The following CNTNAP4 variants were observed in gnomAD, a reference collection of about 807,000 sequenced individuals.
CNTNAP4 encodes the protein contactin associated protein family member 4.
A neutral mutation model predicts 148.4 loss-of-function variants in CNTNAP4; 98 were observed. That is an observed-to-expected ratio of 0.66 (90% CI 0.56 to 0.78). The LOEUF (loss-of-function observed/expected upper bound fraction) is 0.78. CNTNAP4 is among the 30% of genes least tolerant of loss of function. The probability of loss-of-function intolerance (pLI) is 0.00; values close to 1 mark genes in which losing one functional copy is unlikely to be tolerated. For missense variants in CNTNAP4, 1,935 were observed against 1,565.6 expected (o/e 1.24, Z -3.98); for synonymous variants, 730 against 565.1 (o/e 1.29, Z -4.14).
intron 1 of CNTNAP4, among the ~76,000 whole-genome samples, chr16:76,308,036 T>C (rs2144003998): frequency 6.6e-6 from 1 of 152,336 alleles, no homozygotes; most frequent in East Asian, 1.9e-4. Context: ...CTAAATGAAT[T>C]ACTTGACAAT....
At chr16:76,508,258 T>TTAAA (rs10647906) in intron 15 of CNTNAP4, among the ~76,000 whole-genome samples, 62,664 of 94,438 alleles carry the variant, frequency 0.66, 26,677 homozygotes, top group East Asian at 0.88. Context: ...CTATAAGCAA[T>TTAAA]TAAGTAAATA....
At chr16:76,499,068 T>A (rs1312873596) in intron 15 of CNTNAP4, among the ~76,000 whole-genome samples, 2 of 5,764 alleles carry the variant, frequency 3.5e-4, no homozygotes, top group African/African-American at 4.5e-4. Context: ...TACCACAATT[T>A]TTTTTTTTTT....
chr16:76,360,600 G>A (rs746225410), intron 3 of CNTNAP4, among the ~76,000 whole-genome samples: 25 of 152,166 alleles, frequency 1.6e-4, no homozygotes, highest in Non-Finnish European at 1.9e-4. Context: ...CAAACTTAAT[G>A]CACTGCAGTA....
chr16:76,326,802 G>A (rs1281108700), intron 2 of CNTNAP4, among the ~76,000 whole-genome samples: 2 of 151,740 alleles, frequency 1.3e-5, no homozygotes, highest in Non-Finnish European at 2.9e-5. Flanking sequence ...CCTGTTGTGG[G>A]GTGGGGGTGG....
At chr16:76,535,298 A>T (rs984430537) in intron 17 of CNTNAP4, among the ~76,000 whole-genome samples, 2 of 152,218 alleles carry the variant, frequency 1.3e-5, no homozygotes, top group African/African-American at 4.8e-5. Context: ...CCTCTATTTT[A>T]TTCCTCAATT....
chr16:76,419,561 A>T (rs193128560), intron 3 of CNTNAP4, among the ~76,000 whole-genome samples: 1 of 152,016 alleles, frequency 6.6e-6, no homozygotes, highest in East Asian at 1.9e-4. Context: ...ATTATCATAG[A>T]AGTTTTCCTG....
chr16:76,314,314 C>G (rs1961468766), intron 1 of CNTNAP4, among the ~76,000 whole-genome samples: 1 of 152,144 alleles, frequency 6.6e-6, no homozygotes, highest in South Asian at 2.1e-4. Flanking sequence ...CAGAGCGAGT[C>G]CGCAGTGCAA....
chr16:76,511,855 G>GAGAGAC (rs1420355784), intron 15 of CNTNAP4, among the ~76,000 whole-genome samples: 3 of 151,824 alleles, frequency 2.0e-5, no homozygotes, highest in Admixed American at 6.6e-5. Flanking sequence ...GAGAGAGAGA[G>GAGAGAC]AGAGAGACAA....
Position 76,373,010 on chromosome 16 carries a change from A to G in CNTNAP4, c.390+17499A>G, listed in dbSNP as rs74026752. 3.9e-3 allele frequency among the ~76,000 whole-genome samples: 592 copies of G among 152,312 alleles called. 4 individuals carry two copies. The highest frequency in any genetic ancestry group is 0.014 in the African/African-American group (565 of 41,568). On this transcript the variant is annotated intron_variant, in intron 3 of 23. Transcript: ENST00000611870. ...ACTTTTCATGATTACTTCGAATCTGAAATACAATAATCTGATGTGTCTGCT... is the reference window on the plus strand; with the variant it reads ...ACTTTTCATGATTACTTCGAATCTGGAATACAATAATCTGATGTGTCTGCT...
chr16:76,307,834 C>T (rs1960661401), intron 1 of CNTNAP4, among the ~76,000 whole-genome samples: 1 of 152,092 alleles, frequency 6.6e-6, no homozygotes, highest in South Asian at 2.1e-4. Flanking sequence ...ACTGCCTTCC[C>T]ATTAATCCAT....
intron 1 of CNTNAP4, among the ~76,000 whole-genome samples, chr16:76,313,138 AT>A (rs1468172690): frequency 1.3e-4 from 20 of 152,208 alleles, no homozygotes; most frequent in Non-Finnish European, 1.5e-4. Context: ...TTTTGTTTTA[AT>A]TCCACTCTTT....
intron 3 of CNTNAP4, among the ~76,000 whole-genome samples, chr16:76,384,421 G>A (rs147542569): frequency 6.6e-6 from 1 of 152,222 alleles, no homozygotes; most frequent in African/African-American, 2.4e-5. Context: ...GGACCAAGCT[G>A]AATAAAGGAT....
chr16:76,521,479 G>T (rs576841395), intron 16 of CNTNAP4, among the ~76,000 whole-genome samples, 169 bp downstream of exon 16: 2 of 152,156 alleles, frequency 1.3e-5, no homozygotes, highest in African/African-American at 4.8e-5. Flanking sequence ...AAAATAATTT[G>T]ATACTTAACA....
intron 2 of CNTNAP4, among the ~76,000 whole-genome samples, chr16:76,326,896 A>G (rs1431205504): frequency 6.6e-6 from 1 of 152,102 alleles, no homozygotes; most frequent in African/African-American, 2.4e-5. Context: ...ACATGTATAC[A>G]TATGTAACAA....
intron 16 of CNTNAP4, 149 bp from the exon 17 acceptor site, chr16:76,521,890 G>C: frequency 2.8e-6 from 2 of 715,360 alleles, no homozygotes; most frequent in Admixed American, 2.2e-5. Flanking sequence ...TCAGTGTCAT[G>C]AGTTTCAAAC....
chr16:76,363,518 A>G (rs1400491942), intron 3 of CNTNAP4, among the ~76,000 whole-genome samples: 1 of 152,158 alleles, frequency 6.6e-6, no homozygotes, highest in Non-Finnish European at 1.5e-5. Flanking sequence ...ACTTAAATGG[A>G]AAACCTGAAA....
chr16:76,282,111 C>G (rs1958711798), intron 1 of CNTNAP4, among the ~76,000 whole-genome samples: 1 of 151,752 alleles, frequency 6.6e-6, no homozygotes, highest in African/African-American at 2.4e-5. Flanking sequence ...AAAATTTAGT[C>G]TTAATTATTT....
chr16:76,489,771 T>G lies in CNTNAP4; in HGVS notation c.1968T>G (p.Phe656Leu), dbSNP rs1186313761. The change falls in exon 13 of 24, where the codon TTT becomes TTG. Residue 656 changes from phenylalanine (F) to leucine (L), a missense_variant. Transcript: ENST00000611870. ...ATCCAGAGAACCCATATGCTGGGTT[T>G]TTCGAGTATGTGGCCAGCATGGAGC... ...NTNPENPYAGFFEYVASMEQL... is the reference protein window; with the variant it reads ...NTNPENPYAGLFEYVASMEQL... 6.2e-7 allele frequency: 1 copy of G among 1,604,854 alleles called. No individual in the cohort carries two copies. The highest frequency in any genetic ancestry group is 1.3e-5 in the African/African-American group (1 of 74,792).
intron 1 of CNTNAP4, among the ~76,000 whole-genome samples, chr16:76,296,795 T>C (rs1959352233): frequency 6.6e-6 from 1 of 152,210 alleles, no homozygotes. Flanking sequence ...TATTGAATTA[T>C]TGACCATATT....
Sources: allele counts gnomAD v4.1 joint callset (sites outside exome capture counted in the v4.1 genomes callset), GRCh38; gene constraint gnomAD v4.1.1; transcripts MANE v1.5; gene names NCBI Gene and HGNC (gene_info 2026-07-23, HGNC 2026-07-21).